The following TP63 variants were observed in gnomAD, a reference collection of about 807,000 sequenced individuals.
TP63 encodes the protein tumor protein p63, also known as tumor protein 63.
In TP63, 17 loss-of-function variants were observed where a neutral mutation model predicts 82.8. The ratio of observed to expected loss-of-function variants is 0.21; its 90% CI spans 0.14 to 0.31. The LOEUF (loss-of-function observed/expected upper bound fraction) is 0.31, where lower values mean the gene tolerates loss of function less well. Among genes scored for constraint, TP63 ranks in the 10% least tolerant of loss-of-function variants. The pLI is 1.00. For synonymous variants in TP63, 330 were observed against 321.7 expected, an observed-to-expected ratio of 1.03 and a Z score of -0.28; for missense variants, 648 against 895.3, an observed-to-expected ratio of 0.72 and a Z score of 3.52.
At chr3:189,637,339 A>G (rs1248732846) in intron 1 of TP63, among the ~76,000 whole-genome samples, 1 of 152,126 alleles carries the variant, frequency 6.6e-6, no homozygotes, top group Non-Finnish European at 1.5e-5. Context: ...CTACTATTAT[A>G]TTACGTGTAT....
intron 3 of TP63, among the ~76,000 whole-genome samples, chr3:189,800,516 C>T (rs1181688483): frequency 3.3e-5 from 5 of 150,694 alleles, no homozygotes; most frequent in African/African-American, 7.3e-5. Flanking sequence ...AAAAGAGGTG[C>T]GCTTTTCTTG....
chr3:189,641,563 A>G (rs1256438413), intron 1 of TP63, among the ~76,000 whole-genome samples: 2 of 152,148 alleles, frequency 1.3e-5, no homozygotes, highest in African/African-American at 4.8e-5. Context: ...AATAGTTTCA[A>G]TGTCTTATTC....
chr3:189,664,642 C>A (rs1259811539), intron 1 of TP63, among the ~76,000 whole-genome samples: 1 of 152,094 alleles, frequency 6.6e-6, no homozygotes, highest in Non-Finnish European at 1.5e-5. Flanking sequence ...TAAAATGTGA[C>A]AGTAAGACTT....
intron 1 of TP63, among the ~76,000 whole-genome samples, chr3:189,679,946 A>C (rs1715770831): frequency 6.6e-6 from 1 of 152,136 alleles, no homozygotes; most frequent in Non-Finnish European, 1.5e-5. Flanking sequence ...ATTTATTTCT[A>C]AGCTCTCTAT....
the TP63 span, among the ~76,000 whole-genome samples, chr3:189,605,576 G>T: frequency 6.6e-6 from 1 of 152,182 alleles, no homozygotes; most frequent in Admixed American, 6.5e-5. Flanking sequence ...TTTCTAAGCC[G>T]CAATATAGAT....
intron 1 of TP63, among the ~76,000 whole-genome samples, chr3:189,685,400 A>C (rs1716355192): frequency 6.6e-6 from 1 of 151,900 alleles, no homozygotes; most frequent in South Asian, 2.1e-4. Context: ...TCCTTTTTTC[A>C]TCCTCAGTGT....
chr3:189,702,288 A>G (rs1717873714), intron 1 of TP63, among the ~76,000 whole-genome samples: 1 of 152,226 alleles, frequency 6.6e-6, no homozygotes, highest in African/African-American at 2.4e-5. Flanking sequence ...ATGAATCTCA[A>G]CTTTCCAAAG....
upstream of TP63, among the ~76,000 whole-genome samples, chr3:189,629,894 A>G (rs1411000445): frequency 6.6e-6 from 1 of 152,198 alleles, no homozygotes; most frequent in Non-Finnish European, 1.5e-5. Context: ...CTTTAACTGC[A>G]ATTAACAAAT....
intron 4 of TP63, among the ~76,000 whole-genome samples, chr3:189,861,591 T>A (rs1717046010): frequency 6.6e-6 from 1 of 152,092 alleles, no homozygotes; most frequent in Non-Finnish European, 1.5e-5. Flanking sequence ...TAGCCCAAAG[T>A]TTTTTCAACT....
chr3:189,620,639 T>G, the TP63 span, among the ~76,000 whole-genome samples: 1 of 152,182 alleles, frequency 6.6e-6, no homozygotes, highest in East Asian at 1.9e-4. Context: ...TGAGGCATTC[T>G]TGAGTCAAAA....
intron 3 of TP63, among the ~76,000 whole-genome samples, chr3:189,787,723 C>T (rs1724724977): frequency 6.6e-6 from 1 of 151,956 alleles, no homozygotes; most frequent in South Asian, 2.1e-4. Context: ...TACATGATCC[C>T]ATTAGTGTAA....
chr3:189,770,038 A>G (rs1723219349), intron 3 of TP63, among the ~76,000 whole-genome samples: 1 of 152,238 alleles, frequency 6.6e-6, no homozygotes, highest in South Asian at 2.1e-4. Flanking sequence ...AACATATTAT[A>G]AAGCCTGGCA....
intron 9 of TP63, among the ~76,000 whole-genome samples, chr3:189,872,643 G>A (rs1254698299): frequency 6.6e-6 from 1 of 152,178 alleles, no homozygotes; most frequent in Non-Finnish European, 1.5e-5. Flanking sequence ...GTTCGAACCA[G>A]CTGGGAATGC....
chr3:189,880,351 T>G (rs1719778397), intron 10 of TP63: 3 of 1,268,766 alleles, frequency 2.4e-6, no homozygotes, highest in Non-Finnish European at 3.0e-6. Context: ...GAGAATCTTT[T>G]GAAGGGACTC....
chr3:189,883,085 A>G (rs1034176736), intron 10 of TP63, among the ~76,000 whole-genome samples: 9 of 152,162 alleles, frequency 5.9e-5, no homozygotes, highest in Non-Finnish European at 2.9e-5. Flanking sequence ...CCAGAATGGT[A>G]CAGGTCCTGT....
chr3:189,835,151 A>G (rs1712949151), intron 4 of TP63, among the ~76,000 whole-genome samples: 1 of 152,158 alleles, frequency 6.6e-6, no homozygotes, highest in Non-Finnish European at 1.5e-5. Context: ...TTTCAGGATT[A>G]AAATCTTCTT....
intron 1 of TP63, among the ~76,000 whole-genome samples, chr3:189,658,432 A>G (rs574194672): frequency 2.0e-4 from 30 of 151,970 alleles, no homozygotes; most frequent in Non-Finnish European, 3.2e-4. Flanking sequence ...TAGAAAGGGG[A>G]AAAAAAAGAA....
At position 189,850,482 on chromosome 3, in the gene TP63, A is replaced by G. The variant is rs148234058; in HGVS notation, c.580-13750A>G. Among the ~76,000 whole-genome samples, 35 of 152,326 alleles carry G rather than the reference A, an allele frequency of 2.3e-4. 1 individual carries two copies. The East Asian group carries it at 6.7e-3, about 29-fold the overall frequency. On this transcript the variant is annotated intron_variant, in intron 4 of 13. Coordinates refer to ENST00000264731, the MANE Select transcript of TP63 (RefSeq NM_003722.5). ...TTCCCTTCTTTCAGCCATTAAAATG[A>G]ATAAAATATACCTGTATATAAGAAC...
chr3:189,866,649 GAACT>G, intron 5 of TP63, 29 bp from the exon 6 acceptor site: 1 of 1,584,328 alleles, frequency 6.3e-7, no homozygotes, highest in Non-Finnish European at 8.7e-7. Flanking sequence ...TTAAGGTAAA[GAACT>G]AACTCTTTTA....
Sources: allele counts gnomAD v4.1 joint callset (sites outside exome capture counted in the v4.1 genomes callset), GRCh38; gene constraint gnomAD v4.1.1; transcripts MANE v1.5; gene names NCBI Gene and HGNC (gene_info 2026-07-23, HGNC 2026-07-21).